The following KCNH1 variants were observed in gnomAD, a reference collection of about 807,000 sequenced individuals.
The protein encoded by KCNH1 is voltage-gated delayed rectifier potassium channel KCNH1.
A neutral mutation model predicts 69.2 loss-of-function variants in KCNH1; 27 were observed. The ratio of observed to expected loss-of-function variants is 0.39; its 90% confidence interval spans 0.29 to 0.54. The LOEUF (loss-of-function observed/expected upper bound fraction) is 0.54, where lower values mean the gene tolerates loss of function less well. KCNH1 is among the 20% of genes least tolerant of loss of function. KCNH1 has a pLI of 0.68. For missense variants in KCNH1, 798 were observed against 1,261.6 expected (o/e 0.63, Z 5.57); for synonymous variants, 456 against 487.7 (o/e 0.93, Z 0.86).
At chr1:210,710,534 TATG>T (rs1395149164) in intron 10 of KCNH1, among the ~76,000 whole-genome samples, 1 of 152,168 alleles carries the variant, frequency 6.6e-6, no homozygotes, top group Admixed American at 6.5e-5. Flanking sequence ...TAACAATGGC[TATG>T]ATATCACTAA....
intron 5 of KCNH1, among the ~76,000 whole-genome samples, chr1:211,036,880 T>C (rs913878218): frequency 8.5e-5 from 13 of 152,110 alleles, no homozygotes; most frequent in Middle Eastern, 3.2e-3. Context: ...AGATGCTACT[T>C]CTCCTAGGAT....
intron 10 of KCNH1, among the ~76,000 whole-genome samples, chr1:210,686,640 A>G (rs1269365838): frequency 6.6e-6 from 1 of 152,166 alleles, no homozygotes; most frequent in East Asian, 1.9e-4. Flanking sequence ...AAGAGAGATG[A>G]TGGCTTTTAG....
At chr1:210,706,575 A>G (rs943669783) in intron 10 of KCNH1, among the ~76,000 whole-genome samples, 3 of 152,280 alleles carry the variant, frequency 2.0e-5, no homozygotes, top group African/African-American at 7.2e-5. Flanking sequence ...TGCACAAATC[A>G]CTTTGTTTAA....
intron 6 of KCNH1, among the ~76,000 whole-genome samples, chr1:210,978,346 T>A (rs959661155): frequency 1.3e-5 from 2 of 152,208 alleles, no homozygotes; most frequent in Non-Finnish European, 2.9e-5. Flanking sequence ...CCTCCTTTAA[T>A]TCTTTAAATA....
chr1:210,763,631 A>G (rs1410451064), intron 10 of KCNH1, among the ~76,000 whole-genome samples: 1 of 152,130 alleles, frequency 6.6e-6, no homozygotes, highest in Non-Finnish European at 1.5e-5. Flanking sequence ...ACACACAAAA[A>G]TAAAATACCT....
intron 10 of KCNH1, among the ~76,000 whole-genome samples, chr1:210,756,724 T>C (rs1407023379): frequency 6.6e-6 from 1 of 152,094 alleles, no homozygotes; most frequent in Non-Finnish European, 1.5e-5. Context: ...CCTGGGAATA[T>C]TGCTTCCCAG....
At chr1:210,927,758 A>G (rs1463654982) in intron 6 of KCNH1, among the ~76,000 whole-genome samples, 3 of 152,230 alleles carry the variant, frequency 2.0e-5, no homozygotes, top group Non-Finnish European at 4.4e-5. Flanking sequence ...CTTAAAATAT[A>G]TAGAATGGCA....
intron 6 of KCNH1, among the ~76,000 whole-genome samples, chr1:211,018,388 C>G (rs7514606): frequency 0.15 from 22,603 of 152,162 alleles, 1,956 homozygotes; most frequent in East Asian, 0.39. Flanking sequence ...GGCTATGAAA[C>G]AGCCAAAAGT....
chr1:210,853,890 G>A (rs542627945), intron 7 of KCNH1, among the ~76,000 whole-genome samples: 57 of 127,232 alleles, frequency 4.5e-4, no homozygotes, highest in African/African-American at 1.7e-3. Flanking sequence ...GGAGACTGAT[G>A]ACTCCCAATC....
intron 1 of KCNH1, among the ~76,000 whole-genome samples, chr1:211,111,905 T>C (rs59509024): frequency 1.7e-3 from 44 of 25,708 alleles, no homozygotes; most frequent in Admixed American, 4.3e-3. Flanking sequence ...AAGTGAGGAG[T>C]GCCTCTGCCT....
chr1:210,920,519 T>C (rs1687437380), intron 6 of KCNH1, among the ~76,000 whole-genome samples: 1 of 152,182 alleles, frequency 6.6e-6, no homozygotes, highest in African/African-American at 2.4e-5. Context: ...CAAACATATA[T>C]GTGCTGAAAA....
intron 10 of KCNH1, among the ~76,000 whole-genome samples, chr1:210,712,540 G>T (rs1682103795): frequency 6.6e-6 from 1 of 152,192 alleles, no homozygotes; most frequent in Non-Finnish European, 1.5e-5. Context: ...GTTCTTTCCA[G>T]CATGAAAAGC....
intron 7 of KCNH1, among the ~76,000 whole-genome samples, chr1:210,900,991 T>G (rs115373944): frequency 0.017 from 2,658 of 152,128 alleles, 78 homozygotes; most frequent in African/African-American, 0.056. Flanking sequence ...TAGTACATAT[T>G]CAATTAACAT....
intron 7 of KCNH1, among the ~76,000 whole-genome samples, chr1:210,908,540 C>G (rs994231526): frequency 6.6e-6 from 1 of 152,132 alleles, no homozygotes; most frequent in African/African-American, 2.4e-5. Context: ...GGGTAGTCCC[C>G]AACAGCCTCG....
chr1:210,974,530 C>T (rs1006052578), intron 6 of KCNH1, among the ~76,000 whole-genome samples: 3 of 146,548 alleles, frequency 2.0e-5, no homozygotes, highest in Non-Finnish European at 4.5e-5. Context: ...CTACTAGTCT[C>T]AAAGATAGAA....
intron 7 of KCNH1, among the ~76,000 whole-genome samples, chr1:210,824,842 C>A (rs1685003060): frequency 6.6e-6 from 1 of 152,104 alleles, no homozygotes; most frequent in East Asian, 1.9e-4. Context: ...GGCTCTTTTA[C>A]CCAGCATTAT....
Position 210,974,474 on chromosome 1 carries a change from T to C in KCNH1, c.1032+44309A>G, listed in dbSNP as rs542074313. On this transcript the variant is annotated intron_variant, in intron 6 of 10. Transcript: ENST00000271751. ...TGTCTTTGCTAATAAGAATATTGGC[T>C]TGTTGTTTTCTTATTATACCTTTGT... Among the ~76,000 whole-genome samples, 127 of 152,218 alleles carry C rather than the reference T, an allele frequency of 8.3e-4. 1 individual carries two copies. The highest frequency in any genetic ancestry group is 6.8e-3 in the Middle Eastern group (2 of 294).
intron 6 of KCNH1, among the ~76,000 whole-genome samples, chr1:210,935,385 G>C (rs561704398): frequency 6.6e-6 from 1 of 152,240 alleles, no homozygotes; most frequent in East Asian, 1.9e-4. Context: ...GGAATAGGGA[G>C]AGTTCGGTTA....
intron 6 of KCNH1, among the ~76,000 whole-genome samples, chr1:210,993,277 T>C (rs1176428170): frequency 6.6e-6 from 1 of 152,212 alleles, no homozygotes; most frequent in Non-Finnish European, 1.5e-5. Flanking sequence ...GACCATCTCA[T>C]ATCACCCACT....
Sources: allele counts gnomAD v4.1 joint callset (sites outside exome capture counted in the v4.1 genomes callset), GRCh38; gene constraint gnomAD v4.1.1; transcripts MANE v1.5; gene names NCBI Gene and HGNC (gene_info 2026-07-23, HGNC 2026-07-21).